HSD17B12: variants seen among roughly 807,000 people sequenced by gnomAD.
The protein encoded by HSD17B12 is very-long-chain 3-oxoacyl-CoA reductase.
HSD17B12 carries 32 observed loss-of-function variants against 39.3 expected under a neutral mutation model. That is an observed-to-expected ratio of 0.81 (90% CI 0.61 to 1.09). The LOEUF (loss-of-function observed/expected upper bound fraction) is 1.09. Among genes scored for constraint, HSD17B12 ranks in the 50% least tolerant of loss-of-function variants. HSD17B12 has a pLI of 0.00. For missense variants in HSD17B12, 342 were observed against 382.9 expected, an observed-to-expected ratio of 0.89 and a Z score of 0.89; for synonymous variants, 150 against 146.7, an observed-to-expected ratio of 1.02 and a Z score of -0.16.
At chr11:43,557,940 G>T in the HSD17B12 span, among the ~76,000 whole-genome samples, 1 of 152,132 alleles carries the variant, frequency 6.6e-6, no homozygotes, top group Non-Finnish European at 1.5e-5. Flanking sequence ...GGAAGGAGGG[G>T]CGTTCTATGA....
chr11:43,764,051 T>C (rs1456198625), intron 3 of HSD17B12, among the ~76,000 whole-genome samples: 1 of 152,110 alleles, frequency 6.6e-6, no homozygotes, highest in East Asian at 1.9e-4. Context: ...TGGCATTATA[T>C]TTCATACTGT....
chr11:43,798,276 T>G, intron 3 of HSD17B12, 44 bp from the exon 4 acceptor site: 1 of 1,143,776 alleles, frequency 8.7e-7, no homozygotes, highest in Non-Finnish European at 1.3e-6. Flanking sequence ...TGCCATGTAC[T>G]AATTTTCCCT....
At chr11:43,578,229 G>A in the HSD17B12 span, among the ~76,000 whole-genome samples, 1 of 152,208 alleles carries the variant, frequency 6.6e-6, no homozygotes, top group Non-Finnish European at 1.5e-5. Context: ...TCGGGACGGT[G>A]AGGTAAGTAT....
the HSD17B12 span, among the ~76,000 whole-genome samples, chr11:43,594,674 G>T: frequency 1.3e-5 from 2 of 151,938 alleles, no homozygotes; most frequent in South Asian, 4.1e-4. Flanking sequence ...TTTCTGAAGA[G>T]CTCTCATGCT....
At chr11:43,816,800 T>C (rs1489216970) in intron 6 of HSD17B12, among the ~76,000 whole-genome samples, 1 of 151,916 alleles carries the variant, frequency 6.6e-6, no homozygotes, top group Non-Finnish European at 1.5e-5. Flanking sequence ...CCGAAGTCCA[T>C]TGTATCATTC....
At chr11:43,796,587 T>G (rs1036959229) in intron 3 of HSD17B12, among the ~76,000 whole-genome samples, 1 of 152,194 alleles carries the variant, frequency 6.6e-6, no homozygotes, top group African/African-American at 2.4e-5. Context: ...CATTGAATCT[T>G]TTTAGCAACA....
intron 1 of HSD17B12, among the ~76,000 whole-genome samples, chr11:43,713,650 G>A (rs1367800914): frequency 6.6e-6 from 1 of 152,142 alleles, no homozygotes; most frequent in Middle Eastern, 3.2e-3. Flanking sequence ...CCAGTTATGG[G>A]ATAGCTGGGT....
chr11:43,729,609 A>G (rs1950250634), intron 1 of HSD17B12, among the ~76,000 whole-genome samples: 1 of 152,240 alleles, frequency 6.6e-6, no homozygotes, highest in Admixed American at 6.5e-5. Flanking sequence ...CGCTTAAATC[A>G]GACTTGTATT....
chr11:43,807,509 C>T (rs1309620048), intron 4 of HSD17B12, among the ~76,000 whole-genome samples: 1 of 152,156 alleles, frequency 6.6e-6, no homozygotes, highest in Non-Finnish European at 1.5e-5. Flanking sequence ...TAAGCAGACC[C>T]AGATCATGAA....
intron 3 of HSD17B12, among the ~76,000 whole-genome samples, chr11:43,797,998 A>G (rs926372803): frequency 2.6e-5 from 4 of 152,220 alleles, no homozygotes; most frequent in African/African-American, 9.6e-5. Flanking sequence ...ATATAACTTT[A>G]TGATATGAAT....
At chr11:43,749,449 A>G (rs1950445426) in intron 1 of HSD17B12, among the ~76,000 whole-genome samples, 1 of 152,152 alleles carries the variant, frequency 6.6e-6, no homozygotes, top group Non-Finnish European at 1.5e-5. Flanking sequence ...TTTTCATAGC[A>G]GAAACATACT....
At chr11:43,645,188 T>A in the HSD17B12 span, 1 of 152,234 alleles carries the variant, frequency 6.6e-6, no homozygotes, top group Non-Finnish European at 1.5e-5. Flanking sequence ...TGATGTGTAA[T>A]GTCGTGTATC....
the HSD17B12 span, among the ~76,000 whole-genome samples, chr11:43,578,054 C>T: frequency 6.6e-6 from 1 of 152,140 alleles, no homozygotes; most frequent in Non-Finnish European, 1.5e-5. Context: ...CACACAAAGA[C>T]ATTCATGCTG....
chr11:43,679,904 G>C (rs1234970640), upstream of HSD17B12, among the ~76,000 whole-genome samples: 1 of 152,008 alleles, frequency 6.6e-6, no homozygotes, highest in African/African-American at 2.4e-5. Flanking sequence ...AGCGAGGAAG[G>C]CACAGACACA....
chr11:43,689,155 G>C (rs1949830032), intron 1 of HSD17B12, among the ~76,000 whole-genome samples: 1 of 152,186 alleles, frequency 6.6e-6, no homozygotes, highest in African/African-American at 2.4e-5. Context: ...GTAAATCTAA[G>C]ATAGGAAGGA....
chr11:43,776,825 G>A lies in HSD17B12; in HGVS notation c.284-21495G>A, dbSNP rs532783570. On this transcript the variant is annotated intron_variant, in intron 3 of 10. Transcript: ENST00000278353. ...ATCCAGTTTCAGCTTTCTACATATGGCTAGCCAGTTTTCCCAGCACCATTT... is the reference window on the plus strand; with the variant it reads ...ATCCAGTTTCAGCTTTCTACATATGACTAGCCAGTTTTCCCAGCACCATTT... Among the ~76,000 whole-genome samples, 4 of 152,132 alleles carry A rather than the reference G, an allele frequency of 2.6e-5. No homozygotes were observed. The East Asian group carries it at 7.7e-4, about 29-fold the overall frequency.
At chr11:43,784,207 C>A (rs1485066840) in intron 3 of HSD17B12, among the ~76,000 whole-genome samples, 2 of 152,010 alleles carry the variant, frequency 1.3e-5, no homozygotes, top group African/African-American at 4.8e-5. Flanking sequence ...CTGGGGGCTA[C>A]ATGCATAAGC....
At chr11:43,724,700 C>T (rs531506123) in intron 1 of HSD17B12, among the ~76,000 whole-genome samples, 14 of 152,264 alleles carry the variant, frequency 9.2e-5, no homozygotes, top group African/African-American at 3.1e-4. Context: ...TCCTCGTGAT[C>T]CAACCATCCA....
chr11:43,710,095 G>A (rs996750211), intron 1 of HSD17B12, among the ~76,000 whole-genome samples: 11 of 152,150 alleles, frequency 7.2e-5, no homozygotes, highest in East Asian at 3.9e-4. Flanking sequence ...TGGGAGATAC[G>A]TTTCCCTAAA....
Sources: gnomAD v4.1 joint callset for allele counts (sites outside exome capture counted in the v4.1 genomes callset) on GRCh38, gnomAD v4.1.1 for gene constraint, MANE v1.5 for transcripts, NCBI Gene and HGNC (gene_info 2026-07-23, HGNC 2026-07-21) for gene names.